ARMCX4: variants seen among roughly 807,000 people sequenced by gnomAD.
ARMCX4 encodes armadillo repeat containing X-linked 4.
In ARMCX4, 3 loss-of-function variants were observed where a neutral mutation model predicts 34.7. The observed-to-expected ratio is 0.09, with a 90% CI of 0.04 to 0.22. The LOEUF (loss-of-function observed/expected upper bound fraction) is 0.22, where lower values mean the gene tolerates loss of function less well. ARMCX4 is among the 10% of genes least tolerant of loss of function. The pLI is 1.00. For missense variants in ARMCX4, 1,448 were observed against 1,720.8 expected (o/e 0.84, Z 2.81); for synonymous variants, 513 against 632.8 (o/e 0.81, Z 2.84).
chrX:101,517,606 T>C (rs782251779), intron 11 of ARMCX4, among the ~76,000 whole-genome samples: 30 of 111,929 alleles, frequency 2.7e-4, no homozygotes, highest in African/African-American at 9.1e-4. Flanking sequence ...TATTTTGAAG[T>C]ACACTGAGAT....
intron 2 of ARMCX4, among the ~76,000 whole-genome samples, chrX:101,433,045 CAT>C (rs781901405): frequency 5.6e-5 from 6 of 106,889 alleles, no homozygotes; most frequent in Middle Eastern, 5.7e-3. Context: ...TATATACACA[CAT>C]ATGTATACAT....
chrX:101,469,752 AG>A (rs1213061964), intron 4 of ARMCX4, among the ~76,000 whole-genome samples: 4 of 110,889 alleles, frequency 3.6e-5, no homozygotes. Flanking sequence ...ACTCTACTCC[AG>A]GGGTGGAGCT....
Position 101,491,712 on chromosome X carries a change from G to T in ARMCX4, c.3123G>T (p.Leu1041Phe). The T allele has an allele frequency of 8.6e-7, 1 of 1,156,520 alleles. No homozygotes were observed. Among genetic ancestry groups the T allele is most frequent in the Non-Finnish European group, 1.1e-6 (1 of 872,921 alleles). The change falls in exon 6 of 6, where the codon TTG (leucine) becomes TTT (phenylalanine). Residue 1041 changes from leucine (L) to phenylalanine (F), a missense_variant. Leu to Phe is a conservative substitution (Grantham distance 22). Coordinates refer to ENST00000423738, the MANE Select transcript of ARMCX4 (RefSeq NM_001256155.3). ...TGGCCGGTTCCCAGGGTGAGACCTT[G>T]CCTGGGGCAAGGGACAAGTCTATGT... ...QIVAGSQGET[L>F]PGARDKSMST...
rs1569338715 is a variant in ARMCX4, at chrX:101,494,511, A to G, written c.5922A>G (p.Ser1974=). The G allele has an allele frequency of 8.7e-7, 1 of 1,155,652 alleles. No individual in the cohort carries two copies. The highest frequency in any genetic ancestry group is 1.1e-6 in the Non-Finnish European group (1 of 872,784). The change falls in exon 6 of 6, where the codon TCA becomes TCG. Residue 1974 remains serine, a synonymous_variant. Transcript: ENST00000423738. ...CTAAAGCCAAAAAGTCATCTGAGTC[A>G]AGAGGCATATATCCGTACATGGTCC... The part of the protein sequence containing the change: ...PKAKAKKSSE[S]RGIYPYMVPG...
chrX:101,522,986 A>G (rs1216709772), intron 11 of ARMCX4, among the ~76,000 whole-genome samples: 1 of 112,171 alleles, frequency 8.9e-6, no homozygotes, highest in African/African-American at 3.2e-5. Flanking sequence ...GAGACCATCA[A>G]TAACAACCCT....
chrX:101,510,629 T>C (rs2147700853), intron 10 of ARMCX4, among the ~76,000 whole-genome samples: 1 of 112,158 alleles, frequency 8.9e-6, no homozygotes, highest in Non-Finnish European at 1.9e-5. Flanking sequence ...TTTCTCTACT[T>C]TAGGGATAGG....
At chrX:101,424,329 C>T (rs371534017) in intron 2 of ARMCX4, among the ~76,000 whole-genome samples, 3 of 111,557 alleles carry the variant, frequency 2.7e-5, no homozygotes, top group African/African-American at 9.8e-5. Context: ...CATCTATATG[C>T]TTTGTAATAT....
Position 101,445,414 on chromosome X carries a change from A to G in ARMCX4, n.269-584A>G, listed in dbSNP as rs3027565. ...TTTTTCCACAATGCTTTAGCATGCTAGGGTTGAATTTTCACAGGGCTTGGC... is the reference window on the plus strand; with the variant it reads ...TTTTTCCACAATGCTTTAGCATGCTGGGGTTGAATTTTCACAGGGCTTGGC... On this transcript the variant is annotated intron_variant and non_coding_transcript_variant, in intron 3 of 3. Coordinates refer to the ARMCX4 transcript ENST00000430461. 1.6e-3 allele frequency among the ~76,000 whole-genome samples: 181 copies of G among 111,728 alleles called. 2 individuals carry two copies. Among genetic ancestry groups the G allele is most frequent in the Admixed American group, 0.012 (124 of 10,458 alleles).
chrX:101,429,332 CTTT>C (rs151320609), intron 2 of ARMCX4, among the ~76,000 whole-genome samples: 5 of 64,143 alleles, frequency 7.8e-5, no homozygotes, highest in Admixed American at 2.0e-4. Context: ...CCTAGATTGT[CTTT>C]TTTTTTTTTT....
intron 2 of ARMCX4, among the ~76,000 whole-genome samples, chrX:101,431,262 A>G (rs1485639222): frequency 1.8e-5 from 2 of 112,061 alleles, no homozygotes; most frequent in African/African-American, 6.5e-5. Context: ...TTGAAGATAC[A>G]CAGTATACCT....
At chrX:101,446,936 A>G (rs887178787), downstream of ARMCX4, among the ~76,000 whole-genome samples, 2 of 94,918 alleles carry the variant, frequency 2.1e-5, no homozygotes, top group Non-Finnish European at 4.3e-5. Context: ...CCTAGGCGAC[A>G]GAGTGAGACT....
rs1351618520 is a variant in ARMCX4, at chrX:101,494,709, A to G, written c.6120A>G (p.Pro2040=). 1.1e-5 allele frequency: 13 copies of G among 1,153,964 alleles called. No individual in the cohort carries two copies. In the African/African-American group the frequency reaches 1.4e-4, roughly 13 times the overall value. Residue 2040 remains proline, a synonymous_variant, in exon 6 of 6, where the codon CCA becomes CCG. Transcript: ENST00000423738. ...CRCKHEANMD[P]RDLEKLICMI... is the part of the protein sequence containing the mutation. ...GTAAACACGAAGCTAATATGGATCC[A>G]CGAGATCTTGAAAAACTCATTTGCA...
intron 2 of ARMCX4, among the ~76,000 whole-genome samples, chrX:101,430,001 G>A (rs1317416521): frequency 9.0e-6 from 1 of 111,426 alleles, no homozygotes; most frequent in Non-Finnish European, 1.9e-5. Flanking sequence ...AGGCAGGAGA[G>A]GCATCTTGAC....
At chrX:101,526,515 C>T (rs1394818714) in intron 11 of ARMCX4, among the ~76,000 whole-genome samples, 1 of 111,434 alleles carries the variant, frequency 9.0e-6, no homozygotes, top group Non-Finnish European at 1.9e-5. Context: ...GGCTAAATGC[C>T]CCAATTAAAA....
rs187425140 is a variant in ARMCX4, at chrX:101,440,642, G to A, written n.165-3410G>A. On this transcript the variant is annotated intron_variant and non_coding_transcript_variant, in intron 2 of 3. Coordinates refer to the ARMCX4 transcript ENST00000430461. ...TCCACCTAGTTGGAGCTTCCTGGCC[G>A]CTTTGTTTACCTACTCAAGCCTCAG... Among the ~76,000 whole-genome samples, 792 of 111,646 alleles carry A rather than the reference G, an allele frequency of 7.1e-3. 7 individuals are homozygous for A. Among genetic ancestry groups the A allele is most frequent in the African/African-American group, 0.025 (762 of 30,744 alleles).
chrX:101,476,837 AG>A, intron 4 of ARMCX4, among the ~76,000 whole-genome samples: 1 of 111,518 alleles, frequency 9.0e-6, no homozygotes. Flanking sequence ...AATAGAAGGA[AG>A]GAAAAATAAA....
downstream of ARMCX4, among the ~76,000 whole-genome samples, chrX:101,452,670 C>G (rs1429469152): frequency 9.1e-6 from 1 of 110,138 alleles, no homozygotes; most frequent in Non-Finnish European, 1.9e-5. Flanking sequence ...ATTCTCCTTC[C>G]TCAGCCTCCT....
intron 5 of ARMCX4, 127 bp downstream of exon 5, chrX:101,488,226 G>T (rs1322784723): frequency 5.7e-6 from 2 of 349,747 alleles, no homozygotes; most frequent in African/African-American, 5.3e-5. Context: ...CTGTTCATTT[G>T]GTGTATAGAA....
downstream of ARMCX4, chrX:101,499,013 G>A (rs1220650179): frequency 1.8e-5 from 2 of 112,013 alleles, no homozygotes; most frequent in African/African-American, 6.5e-5. Context: ...TCTAGCTGGT[G>A]ATGTGCTGGG....
Sources: allele counts gnomAD v4.1 joint callset (sites outside exome capture counted in the v4.1 genomes callset), GRCh38; gene constraint gnomAD v4.1.1; transcripts MANE v1.5; gene names NCBI Gene and HGNC (gene_info 2026-07-23, HGNC 2026-07-21).